The following RNF38 variants were observed in gnomAD, a reference collection of about 807,000 sequenced individuals.
The protein encoded by RNF38 is ring finger protein 38.
In RNF38, 15 loss-of-function variants were observed where a neutral mutation model predicts 67.2. That is an observed-to-expected ratio of 0.22 (90% CI 0.15 to 0.34). RNF38 has a LOEUF of 0.34. Among genes scored for constraint, RNF38 ranks in the 10% least tolerant of loss-of-function variants. The probability of loss-of-function intolerance (pLI) is 1.00; values close to 1 mark genes in which losing one functional copy is unlikely to be tolerated. For synonymous variants in RNF38, 220 were observed against 218.8 expected (o/e 1.01, Z -0.05); for missense variants, 524 against 639.9 (o/e 0.82, Z 1.95).
At chr9:36,409,481 A>T (rs1009968666) in intron 2 of RNF38, among the ~76,000 whole-genome samples, 1 of 152,206 alleles carries the variant, frequency 6.6e-6, no homozygotes, top group East Asian at 1.9e-4. Flanking sequence ...GAGATGCAAG[A>T]AACATTCGAA....
At chr9:36,358,653 G>A (rs1834301976) in intron 4 of RNF38, among the ~76,000 whole-genome samples, 2 of 152,302 alleles carry the variant, frequency 1.3e-5, no homozygotes, top group East Asian at 3.9e-4. Context: ...ATCATATGGT[G>A]TATCAACACA....
At chr9:36,433,021 T>G (rs1298391373) in intron 1 of RNF38, among the ~76,000 whole-genome samples, 2 of 152,026 alleles carry the variant, frequency 1.3e-5, no homozygotes, top group Non-Finnish European at 2.9e-5. Context: ...CTTCCCTAAC[T>G]ATTAAATAAG....
chr9:36,351,148 T>C lies in RNF38; in HGVS notation c.1230A>G (p.Leu410=). The C allele has an allele frequency of 6.2e-7, 1 of 1,612,944 alleles. No homozygotes were observed. ...PAVGPTFSFE[L]DVEDGEVENY... Reference sequence around the variant, plus strand: ...TTTCTACTTCTCCATCTTCTACATCTAATTCAAAGCTGAAAGTTGGGCCCA... The same window carrying C: ...TTTCTACTTCTCCATCTTCTACATCCAATTCAAAGCTGAAAGTTGGGCCCA... The change falls in exon 9 of 12, where the codon TTA becomes TTG. Residue 410 remains leucine, a synonymous_variant. Transcript: ENST00000259605.
Position 36,414,793 on chromosome 9 carries a change from T to C in RNF38, n.312+9820A>G, listed in dbSNP as rs34095143. ...CATTTGTTTGTCTGAATAAGACTTT[T>C]ATCTTTCCTTTATTTATGAAGCTTA... On this transcript the variant is annotated intron_variant and non_coding_transcript_variant, in intron 2 of 3. Transcript: ENST00000488058. Among the ~76,000 whole-genome samples, 720 of 152,348 alleles carry C rather than the reference T, an allele frequency of 4.7e-3. 2 individuals are homozygous for C. The highest frequency in any genetic ancestry group is 8.1e-3 in the Non-Finnish European group (551 of 68,032).
chr9:36,469,930 G>A (rs557394998), intron 1 of RNF38, among the ~76,000 whole-genome samples: 32 of 152,254 alleles, frequency 2.1e-4, no homozygotes, highest in African/African-American at 7.5e-4. Context: ...AGTGAGCCAG[G>A]ATCATGCCAC....
chr9:36,426,362 A>T (rs1403385011), intron 1 of RNF38, among the ~76,000 whole-genome samples: 1 of 151,902 alleles, frequency 6.6e-6, no homozygotes, highest in Non-Finnish European at 1.5e-5. Flanking sequence ...GACAACCACC[A>T]CTCCAACTTC....
At chr9:36,458,228 T>A (rs1839638763) in intron 1 of RNF38, among the ~76,000 whole-genome samples, 1 of 152,140 alleles carries the variant, frequency 6.6e-6, no homozygotes, top group Non-Finnish European at 1.5e-5. Flanking sequence ...AATGCACCAA[T>A]CAGCGCTCTG....
chr9:36,457,648 C>T (rs1206133106), intron 1 of RNF38, among the ~76,000 whole-genome samples: 1 of 152,186 alleles, frequency 6.6e-6, no homozygotes, highest in Non-Finnish European at 1.5e-5. Flanking sequence ...TGGCTCACGT[C>T]TGTAATCCCA....
intron 1 of RNF38, among the ~76,000 whole-genome samples, chr9:36,446,701 G>A (rs374890885): frequency 6.6e-5 from 10 of 150,926 alleles, no homozygotes; most frequent in Non-Finnish European, 1.0e-4. Flanking sequence ...CCAGCTACAC[G>A]GGACGCTGAG....
chr9:36,476,869 G>C (rs1013640098), intron 1 of RNF38, among the ~76,000 whole-genome samples: 2 of 151,984 alleles, frequency 1.3e-5, no homozygotes, highest in African/African-American at 4.8e-5. Flanking sequence ...CTCCTAACTT[G>C]ACTCCAAGTA....
chr9:36,400,841 A>C (rs1837967677), upstream of RNF38: 2 of 975,660 alleles, frequency 2.0e-6, no homozygotes, highest in African/African-American at 1.9e-5. Context: ...GCCCCAACCG[A>C]CCGGGCCTCG....
chr9:36,455,646 T>C (rs1298419460), intron 1 of RNF38, among the ~76,000 whole-genome samples: 5 of 151,648 alleles, frequency 3.3e-5, no homozygotes, highest in Non-Finnish European at 5.9e-5. Context: ...AGCACATCTA[T>C]AATCTCAGCT....
At chr9:36,367,013 GT>G (rs1380512302) in intron 4 of RNF38, among the ~76,000 whole-genome samples, 2 of 152,150 alleles carry the variant, frequency 1.3e-5, no homozygotes, top group Non-Finnish European at 2.9e-5. Flanking sequence ...CTTCTGCTCA[GT>G]CTTATCCTAG....
upstream of RNF38, among the ~76,000 whole-genome samples, chr9:36,402,620 A>C (rs901594464): frequency 5.3e-5 from 8 of 152,162 alleles, no homozygotes; most frequent in African/African-American, 1.7e-4. Flanking sequence ...AGGAAAGGGA[A>C]GTTACATTTG....
intron 1 of RNF38, among the ~76,000 whole-genome samples, chr9:36,454,348 A>G (rs982894867): frequency 6.6e-6 from 1 of 151,524 alleles, no homozygotes; most frequent in Non-Finnish European, 1.5e-5. Flanking sequence ...AGGCTGGTCT[A>G]GAACTACTGA....
chr9:36,360,299 C>T (rs895261898), intron 4 of RNF38, among the ~76,000 whole-genome samples: 6 of 152,068 alleles, frequency 3.9e-5, no homozygotes, highest in East Asian at 1.9e-4. Context: ...AGTGTTAGTA[C>T]GAAGATAATT....
chr9:36,342,418 T>C lies in RNF38; in HGVS notation c.1392A>G (p.Val464=). ...NNHQSEQTLC[V]VCMCDFESRQ... is the part of the protein sequence containing the mutation. Reference sequence around the variant, plus strand: ...TTGACTCAAAATCACACATGCATACTACACACCTAAAAAAAGCAAAAAGAT... The same window carrying C: ...TTGACTCAAAATCACACATGCATACCACACACCTAAAAAAAGCAAAAAGAT... Residue 464 remains valine, a synonymous_variant, in exon 11 of 12, where the codon GTA becomes GTG. Coordinates refer to ENST00000259605, the MANE Select transcript of RNF38 (RefSeq NM_022781.5). The C allele has an allele frequency of 6.2e-7, 1 of 1,610,706 alleles. No individual in the cohort carries two copies. The highest frequency in any genetic ancestry group is 8.5e-7 in the Non-Finnish European group (1 of 1,177,002).
intron 1 of RNF38, among the ~76,000 whole-genome samples, chr9:36,442,312 A>G: frequency 6.6e-6 from 1 of 152,124 alleles, no homozygotes; most frequent in Admixed American, 6.6e-5. Flanking sequence ...CATCTCCCCT[A>G]TGAACTTTTA....
chr9:36,382,959 C>A (rs955442839), intron 2 of RNF38, among the ~76,000 whole-genome samples: 3 of 152,166 alleles, frequency 2.0e-5, no homozygotes, highest in Non-Finnish European at 4.4e-5. Flanking sequence ...AAATTTTATT[C>A]ATTTTAAATA....
Sources: allele counts gnomAD v4.1 joint callset (sites outside exome capture counted in the v4.1 genomes callset), GRCh38; gene constraint gnomAD v4.1.1; transcripts MANE v1.5; gene names NCBI Gene and HGNC (gene_info 2026-07-23, HGNC 2026-07-21).